MSI2: variants seen among roughly 807,000 people sequenced by gnomAD.
MSI2 encodes the protein musashi RNA binding protein 2, also known as RNA-binding protein Musashi homolog 2.
In MSI2, 17 loss-of-function variants were observed where a neutral mutation model predicts 45.6. The ratio of observed to expected loss-of-function variants is 0.37; its 90% confidence interval spans 0.26 to 0.56. MSI2 has a LOEUF of 0.56. Ranked by LOEUF, MSI2 falls within the 20% of genes least tolerant of loss-of-function variation. MSI2 has a pLI of 0.77. For missense variants in MSI2, 293 were observed against 444.2 expected (o/e 0.66, Z 3.06); for synonymous variants, 156 against 158.2 (o/e 0.99, Z 0.11).
At chr17:57,338,176 A>G (rs1448246131) in intron 5 of MSI2, among the ~76,000 whole-genome samples, 6 of 151,618 alleles carry the variant, frequency 4.0e-5, no homozygotes, top group Non-Finnish European at 8.8e-5. Flanking sequence ...TACAACCTCC[A>G]CCTCCTGGGT....
In MSI2 at chr17:57,652,265, T is replaced by C; in HGVS notation, c.790+104T>C. The C allele has an allele frequency of 8.6e-7, 1 of 1,169,194 alleles. No individual in the cohort carries two copies. The allele number at this position is 1,169,194 out of a possible 1,614,324, so 72.4% of individuals were successfully genotyped here. On this transcript the variant is annotated intron_variant, in intron 11 of 13. Transcript: ENST00000284073. The surrounding 1 kb of genome is among the most constrained non-coding windows in gnomAD (Gnocchi z 4.1). ...TGTGGCTGCATCTGTCCAACACCAC[T>C]CTCACCACAGCCCCGGGGAGGGGGT...
At chr17:57,586,432 G>T (rs2088349598) in intron 7 of MSI2, among the ~76,000 whole-genome samples, 1 of 151,520 alleles carries the variant, frequency 6.6e-6, no homozygotes, top group Non-Finnish European at 1.5e-5. Context: ...CACCCTGTCT[G>T]TCCTTATAAA....
chr17:57,656,757 T>A (rs1911626041), intron 11 of MSI2, among the ~76,000 whole-genome samples: 1 of 152,166 alleles, frequency 6.6e-6, no homozygotes, highest in Non-Finnish European at 1.5e-5. Flanking sequence ...ACCCCTAGTT[T>A]CCTCCAGTTC....
chr17:57,641,011 C>T (rs1271669905), intron 10 of MSI2, among the ~76,000 whole-genome samples: 1 of 152,094 alleles, frequency 6.6e-6, no homozygotes, highest in Non-Finnish European at 1.5e-5. Flanking sequence ...TGGCTGTTGA[C>T]ATTTTTAGGT....
At chr17:57,368,105 C>T (rs964662816) in intron 5 of MSI2, among the ~76,000 whole-genome samples, 5 of 152,124 alleles carry the variant, frequency 3.3e-5, no homozygotes, top group South Asian at 4.1e-4. Context: ...GAGTCTGTGA[C>T]GAAGTTTCTT....
the MSI2 span, among the ~76,000 whole-genome samples, chr17:57,697,150 A>ACACACACT: frequency 2.0e-5 from 3 of 150,558 alleles, no homozygotes; most frequent in African/African-American, 4.9e-5. Context: ...CAGGACACAC[A>ACACACACT]CACACACACA....
chr17:57,364,658 C>T (rs953646918), intron 5 of MSI2, among the ~76,000 whole-genome samples: 15 of 152,204 alleles, frequency 9.9e-5, no homozygotes, highest in African/African-American at 2.2e-4. Context: ...GCTTGGACAT[C>T]GCTGCAAGAA....
chr17:57,510,718 A>C (rs1012551924), intron 6 of MSI2, among the ~76,000 whole-genome samples: 2 of 152,168 alleles, frequency 1.3e-5, no homozygotes, highest in African/African-American at 4.8e-5. Flanking sequence ...GTGAGCCACC[A>C]CACCCGGCCT....
intron 6 of MSI2, among the ~76,000 whole-genome samples, chr17:57,410,401 G>T (rs976752059): frequency 1.1e-4 from 16 of 152,214 alleles, no homozygotes; most frequent in African/African-American, 3.9e-4. Context: ...GTGAGCACAG[G>T]CCGGCAAGTG....
At chr17:57,417,648 T>C (rs761909957) in intron 6 of MSI2, among the ~76,000 whole-genome samples, 3 of 152,132 alleles carry the variant, frequency 2.0e-5, no homozygotes, top group Non-Finnish European at 4.4e-5. Flanking sequence ...CAGCGAACAT[T>C]AGTCAGGGTG....
intron 5 of MSI2, among the ~76,000 whole-genome samples, chr17:57,362,287 T>C (rs188979090): frequency 2.0e-5 from 3 of 152,366 alleles, no homozygotes; most frequent in Non-Finnish European, 4.4e-5. Flanking sequence ...ACTTCCATTT[T>C]GTTCGGTAAT....
intron 5 of MSI2, among the ~76,000 whole-genome samples, chr17:57,348,341 C>T (rs1915777123): frequency 6.6e-6 from 1 of 152,130 alleles, no homozygotes; most frequent in African/African-American, 2.4e-5. Context: ...TAGTGTTCAG[C>T]TCACTTCTGT....
intron 13 of MSI2, among the ~76,000 whole-genome samples, chr17:57,679,128 GT>G (rs538597681): frequency 1.3e-4 from 20 of 151,902 alleles, no homozygotes; most frequent in African/African-American, 4.1e-4. Flanking sequence ...AGTTTGTGGG[GT>G]TTTTTTTGTT....
In MSI2 at chr17:57,414,050, C is replaced by T. The variant is rs537285036; in HGVS notation, c.405+12579C>T. ...CTTAACAAGCATGGGGTGTGGGTGG[C>T]GGAGGACCAGCCAAAAGCAAGCAAG... On this transcript the variant is annotated intron_variant, in intron 6 of 13. Transcript: ENST00000284073. Among the ~76,000 whole-genome samples, 85 of 152,038 alleles carry T rather than the reference C, an allele frequency of 5.6e-4. 3 individuals are homozygous for T. Among genetic ancestry groups the T allele is most frequent in the African/African-American group, 1.9e-3 (79 of 41,356 alleles).
intron 6 of MSI2, among the ~76,000 whole-genome samples, chr17:57,475,257 C>T (rs987761956): frequency 6.6e-6 from 1 of 152,146 alleles, no homozygotes; most frequent in Non-Finnish European, 1.5e-5. Context: ...TCACAGAGGT[C>T]CCAGTTGAGT....
At chr17:57,599,978 A>C in intron 8 of MSI2, among the ~76,000 whole-genome samples, 1 of 152,158 alleles carries the variant, frequency 6.6e-6, no homozygotes, top group East Asian at 1.9e-4. Context: ...TCATTGAGAG[A>C]GATTTCTCCA....
intron 7 of MSI2, among the ~76,000 whole-genome samples, chr17:57,574,103 G>A (rs1179690563): frequency 6.6e-6 from 1 of 152,108 alleles, no homozygotes; most frequent in African/African-American, 2.4e-5. Context: ...CCCAGGTTGG[G>A]AAAGGAACTC....
chr17:57,545,203 A>G (rs17761870), intron 7 of MSI2, among the ~76,000 whole-genome samples: 12,168 of 152,074 alleles, frequency 0.08, 513 homozygotes, highest in Middle Eastern at 0.13. Context: ...ATGCAACCTC[A>G]TAAGTGCCTC....
intron 8 of MSI2, among the ~76,000 whole-genome samples, chr17:57,607,928 C>A (rs1906808633): frequency 6.6e-6 from 1 of 152,118 alleles, no homozygotes; most frequent in Non-Finnish European, 1.5e-5. Flanking sequence ...AGCAGGTGGC[C>A]CAAACCATTC....
Sources: gnomAD v4.1 joint callset for allele counts (sites outside exome capture counted in the v4.1 genomes callset) on GRCh38, gnomAD v4.1.1 for gene constraint, Gnocchi (gnomAD v3.1) non-coding constraint, MANE v1.5 for transcripts, NCBI Gene and HGNC (gene_info 2026-07-23, HGNC 2026-07-21) for gene names.